The following SRI variants were observed in gnomAD, a reference collection of about 807,000 sequenced individuals.
The protein encoded by SRI is 22 kDa protein.
A neutral mutation model predicts 33.3 loss-of-function variants in SRI; 30 were observed. The observed-to-expected ratio is 0.90, with a 90% CI of 0.67 to 1.22. The LOEUF is 1.22. Ranked by LOEUF, SRI falls within the 50% of genes most tolerant of loss-of-function variation. The pLI, the probability that SRI is intolerant of heterozygous loss-of-function variation, is 0.00. For missense variants in SRI, 243 were observed against 250.8 expected (o/e 0.97, Z 0.21); for synonymous variants, 75 against 89.9 (o/e 0.83, Z 0.94).
chr7:88,220,106 G>C (rs1851852862), upstream of SRI: 1 of 1,430,592 alleles, frequency 7.0e-7, no homozygotes, highest in Non-Finnish European at 9.1e-7. Flanking sequence ...CTGCCGCTAG[G>C]GGGCCGCCCC....
At chr7:88,209,541 G>T in intron 5 of SRI, 89 bp from the exon 6 acceptor site, 3 of 933,702 alleles carry the variant, frequency 3.2e-6, no homozygotes, top group South Asian at 2.7e-5. Context: ...TATTTTTTAA[G>T]ACTGCAGACT....
intron 1 of SRI, chr7:88,219,568 G>GT: frequency 5.3e-6 from 1 of 188,498 alleles, no homozygotes; most frequent in Non-Finnish European, 9.8e-6. Flanking sequence ...TTGTTTGTTT[G>GT]TTTGTTTTTT....
intron 7 of SRI, among the ~76,000 whole-genome samples, chr7:88,207,378 A>G (rs1180063356): frequency 1.3e-5 from 2 of 152,224 alleles, no homozygotes; most frequent in Admixed American, 1.3e-4. Context: ...ATATTCACAC[A>G]CACATACTAA....
chr7:88,224,824 T>C (rs560921096), upstream of SRI, among the ~76,000 whole-genome samples: 2 of 152,204 alleles, frequency 1.3e-5, no homozygotes, highest in Non-Finnish European at 2.9e-5. Context: ...CCACAGCTCT[T>C]CAAACAACTT....
chr7:88,209,468 T>C lies in SRI; in HGVS notation c.398-16A>G, dbSNP rs537002950. 1 of 1,601,692 alleles carries C rather than the reference T, an allele frequency of 6.2e-7. No homozygotes were observed. Among genetic ancestry groups the C allele is most frequent in the Non-Finnish European group, 8.6e-7 (1 of 1,168,776 alleles). ...AACCTAAATCCTAAAAGAAAAGCCA[T>C]CCAGTAAAAAGGTTAAAGGATTGCA... On this transcript the variant is annotated splice_polypyrimidine_tract_variant and intron_variant, in intron 5 of 7. Transcript: ENST00000265729.
At chr7:88,217,574 A>T (rs990162493) in intron 2 of SRI, among the ~76,000 whole-genome samples, 1 of 152,216 alleles carries the variant, frequency 6.6e-6, no homozygotes, top group Non-Finnish European at 1.5e-5. Context: ...ACTTTTTCTT[A>T]TGATATAGTG....
At chr7:88,219,522 T>C (rs1586721293) in intron 1 of SRI, 2 of 193,318 alleles carry the variant, frequency 1.0e-5, no homozygotes, top group South Asian at 1.1e-4. Flanking sequence ...TTTTTTTCCG[T>C]CCCCCTTCTC....
At chr7:88,214,769 TC>T in intron 3 of SRI, 6 of 842,530 alleles carry the variant, frequency 7.1e-6, no homozygotes, top group Non-Finnish European at 8.6e-6. Flanking sequence ...TTTAATAATT[TC>T]CAAAGAATCT....
At chr7:88,220,062 C>G, upstream of SRI, 1 of 1,501,956 alleles carries the variant, frequency 6.7e-7, no homozygotes, top group East Asian at 2.7e-5. Context: ...TCGCCCTGTG[C>G]GCCAGGCCTC....
chr7:88,206,691 C>A (rs1851445812), intron 7 of SRI, among the ~76,000 whole-genome samples, 187 bp from the exon 8 acceptor site: 1 of 152,034 alleles, frequency 6.6e-6, no homozygotes, highest in African/African-American at 2.4e-5. Context: ...AATATAAAAT[C>A]CACAGGGTTT....
intron 3 of SRI, among the ~76,000 whole-genome samples, chr7:88,211,599 T>A (rs1563473029): frequency 6.6e-6 from 1 of 152,234 alleles, no homozygotes; most frequent in Non-Finnish European, 1.5e-5. Context: ...TTCCTACTCA[T>A]AAATGACTAT....
At chr7:88,207,081 A>T (rs1437422310) in intron 7 of SRI, among the ~76,000 whole-genome samples, 2 of 152,032 alleles carry the variant, frequency 1.3e-5, no homozygotes, top group Non-Finnish European at 2.9e-5. Flanking sequence ...AACATAAAGC[A>T]ATAGATTCTG....
chr7:88,226,442 T>A (rs1851997870), intron 1 of SRI, among the ~76,000 whole-genome samples: 2 of 152,042 alleles, frequency 1.3e-5, no homozygotes, highest in Admixed American at 1.3e-4. Context: ...GAAGCCAGAC[T>A]TGTGGAGAGA....
chr7:88,218,828 C>A (rs747417833), intron 2 of SRI, 31 bp downstream of exon 2: 8 of 1,597,956 alleles, frequency 5.0e-6, no homozygotes, highest in Non-Finnish European at 6.9e-6. Context: ...CAGACAATAA[C>A]GGCTCTTTAA....
At chr7:88,220,182 G>A (rs1851856089), upstream of SRI, 5 of 1,315,026 alleles carry the variant, frequency 3.8e-6, no homozygotes, top group Non-Finnish European at 4.8e-6. Context: ...CTGTGCGCGC[G>A]GCCGTGGCTC....
chr7:88,208,696 A>G, intron 6 of SRI, 131 bp from the exon 7 acceptor site: 9 of 1,388,052 alleles, frequency 6.5e-6, no homozygotes, highest in Non-Finnish European at 8.8e-6. Context: ...AACATAAACA[A>G]AAGACCAAAG....
intron 3 of SRI, among the ~76,000 whole-genome samples, chr7:88,214,398 G>C (rs1385162489): frequency 6.6e-6 from 1 of 152,166 alleles, no homozygotes; most frequent in African/African-American, 2.4e-5. Context: ...AGACTGAGGA[G>C]GAGAGGGACA....
chr7:88,220,116 C>T, upstream of SRI: 4 of 1,384,560 alleles, frequency 2.9e-6, no homozygotes, highest in Non-Finnish European at 2.8e-6. Context: ...GGGGCCGCCC[C>T]AGAGCGCACC....
At chr7:88,220,261 T>C (rs532427953), upstream of SRI, among the ~76,000 whole-genome samples, 1 of 152,298 alleles carries the variant, frequency 6.6e-6, no homozygotes, top group Admixed American at 6.5e-5. Flanking sequence ...GAAGGTCCAG[T>C]GGCGGCCTAC....
Sources: gnomAD v4.1 joint callset for allele counts (sites outside exome capture counted in the v4.1 genomes callset) on GRCh38, gnomAD v4.1.1 for gene constraint, MANE v1.5 for transcripts, NCBI Gene and HGNC (gene_info 2026-07-23, HGNC 2026-07-21) for gene names.